Variants in DGKK observed in about 807,000 individuals in gnomAD.
DGKK encodes diacylglycerol kinase kappa.
Under a neutral mutation model 92.2 loss-of-function variants are expected in DGKK, and 35 were observed. The ratio of observed to expected loss-of-function variants is 0.38; its 90% CI spans 0.29 to 0.50. The LOEUF is 0.50. Ranked by LOEUF, DGKK falls within the 20% of genes least tolerant of loss-of-function variation. DGKK has a pLI of 0.92. For synonymous variants in DGKK, 368 were observed against 360.6 expected (o/e 1.02, Z -0.23); for missense variants, 910 against 992.2 (o/e 0.92, Z 1.11).
At chrX:50,388,909 T>C in intron 12 of DGKK, among the ~76,000 whole-genome samples, 1 of 112,327 alleles carries the variant, frequency 8.9e-6, no homozygotes, top group East Asian at 2.8e-4. Context: ...AATCTCATAT[T>C]ACATAGCTAG....
intron 1 of DGKK, among the ~76,000 whole-genome samples, chrX:50,447,441 C>T (rs1926394565): frequency 3.2e-5 from 2 of 62,503 alleles, no homozygotes; most frequent in African/African-American, 5.6e-5. Context: ...ATATATATTT[C>T]ACAGAAGTTG....
Position 50,388,582 on chromosome X carries a change from C to T in DGKK, c.1963G>A (p.Glu655Lys), listed in dbSNP as rs987669936. 8.3e-6 allele frequency: 10 copies of T among 1,208,264 alleles called. No individual in the cohort carries two copies. The highest frequency in any genetic ancestry group is 3.6e-5 in the South Asian group (2 of 56,105). ...TTGGCCTTCAGGATTTTGTTCAACT[C>T]GGTGGCTGCAGATTCTAAGTGTTGG... Reference protein sequence around the residue: ...AIQHLESAATELNKILKAKYP... With the variant: ...AIQHLESAATKLNKILKAKYP... Residue 655 changes from glutamate (E) to lysine (K), a missense_variant, in exon 13 of 28, where the codon GAG (glutamate) becomes AAG (lysine). Physicochemically the swap from Glu to Lys is moderately conservative, Grantham distance 56. Transcript: ENST00000611977.
At chrX:50,432,873 C>A (rs5961182) in intron 1 of DGKK, among the ~76,000 whole-genome samples, 190 of 111,680 alleles carry the variant, frequency 1.7e-3, no homozygotes, top group African/African-American at 5.8e-3. Context: ...GCCCCTCCCC[C>A]CTTCTTCTTT....
intron 4 of DGKK, among the ~76,000 whole-genome samples, chrX:50,404,445 C>CT (rs781970634): frequency 0.015 from 1,362 of 90,879 alleles, 32 homozygotes; most frequent in African/African-American, 0.045. Flanking sequence ...GAGTAATTAT[C>CT]TTTTTTTTTT....
At chrX:50,415,120 T>C (rs1331538432) in intron 4 of DGKK, among the ~76,000 whole-genome samples, 1 of 111,411 alleles carries the variant, frequency 9.0e-6, no homozygotes, top group Non-Finnish European at 1.9e-5. Flanking sequence ...CCTGGGGACT[T>C]GCTTCTGTTC....
At chrX:50,408,072 A>C (rs1487542875) in intron 4 of DGKK, among the ~76,000 whole-genome samples, 1 of 112,886 alleles carries the variant, frequency 8.9e-6, no homozygotes, top group Non-Finnish European at 1.9e-5. Flanking sequence ...AGAGAGGCTC[A>C]GAGGCCAGAG....
chrX:50,385,506 T>C (rs182184687), intron 15 of DGKK, among the ~76,000 whole-genome samples: 2 of 112,088 alleles, frequency 1.8e-5, no homozygotes, highest in East Asian at 5.7e-4. Context: ...TTTAATCTGA[T>C]CCACACTGCT....
chrX:50,447,609 T>C (rs1926398964), intron 1 of DGKK, among the ~76,000 whole-genome samples: 1 of 102,407 alleles, frequency 9.8e-6, no homozygotes, highest in South Asian at 4.7e-4. Flanking sequence ...TGTCAAACAC[T>C]GACTAGTTAT....
At chrX:50,455,964 C>A (rs916451838) in intron 1 of DGKK, among the ~76,000 whole-genome samples, 1 of 112,064 alleles carries the variant, frequency 8.9e-6, no homozygotes, top group Non-Finnish European at 1.9e-5. Context: ...ATATATACAT[C>A]TATGGTGTCT....
In DGKK at chrX:50,375,064, G is replaced by A; in HGVS notation, c.3415-7C>T. ...CATCATTTCTGCTTAGAGTCTGAGAGGAAAAGAACGGAAAAGGAGAGAAAA... is the reference window on the plus strand; with the variant it reads ...CATCATTTCTGCTTAGAGTCTGAGAAGAAAAGAACGGAAAAGGAGAGAAAA... On this transcript the variant is annotated splice_region_variant and splice_polypyrimidine_tract_variant and intron_variant, in intron 24 of 27. Coordinates refer to ENST00000611977, the MANE Select transcript of DGKK (RefSeq NM_001013742.4). 1 of 1,158,711 alleles carries A rather than the reference G, an allele frequency of 8.6e-7. No individual in the cohort carries two copies. The highest frequency in any genetic ancestry group is 3.0e-5 in the East Asian group (1 of 33,410).
intron 1 of DGKK, among the ~76,000 whole-genome samples, chrX:50,455,386 GTTA>G (rs1246764449): frequency 8.9e-6 from 1 of 112,044 alleles, no homozygotes; most frequent in Non-Finnish European, 1.9e-5. Context: ...TAATTCAGCA[GTTA>G]TTAAGTATAG....
At chrX:50,387,359 C>T (rs782198549) in intron 14 of DGKK, among the ~76,000 whole-genome samples, 195 bp downstream of exon 14, 9 of 111,487 alleles carry the variant, frequency 8.1e-5, no homozygotes, top group Non-Finnish European at 1.7e-4. Context: ...TGTGTGTATG[C>T]ATGCAGAGCG....
At chrX:50,435,911 C>T (rs943930098) in intron 1 of DGKK, among the ~76,000 whole-genome samples, 3 of 111,420 alleles carry the variant, frequency 2.7e-5, no homozygotes, top group Non-Finnish European at 5.7e-5. Flanking sequence ...TTGATGGGAG[C>T]CCTCACTCAA....
chrX:50,416,814 A>G (rs904347695), intron 4 of DGKK, among the ~76,000 whole-genome samples: 1 of 111,308 alleles, frequency 9.0e-6, no homozygotes, highest in Non-Finnish European at 1.9e-5. Context: ...TCATTTTGCC[A>G]CTTTGAATTT....
chrX:50,382,637 T>C (rs1924441924), intron 17 of DGKK, 34 bp from the exon 18 acceptor site: 1 of 1,101,985 alleles, frequency 9.1e-7, no homozygotes, highest in Non-Finnish European at 1.2e-6. Context: ...CAGACATTGG[T>C]GCAGGAAAGA....
intron 1 of DGKK, among the ~76,000 whole-genome samples, chrX:50,466,017 C>CTTTTTTTTTTTTTTT (rs72090197): frequency 3.7e-4 from 16 of 42,791 alleles, no homozygotes; most frequent in Admixed American, 8.2e-4. Flanking sequence ...TTTCTTTTTT[C>CTTTTTTTTTTTTTTT]TTTTTTTTTT....
intron 1 of DGKK, among the ~76,000 whole-genome samples, chrX:50,446,832 G>A (rs979105351): frequency 1.8e-5 from 2 of 110,821 alleles, no homozygotes; most frequent in African/African-American, 3.3e-5. Context: ...TCTTTCTGCT[G>A]TCTTTCATGC....
Position 50,396,448 on chromosome X carries a change from A to G in DGKK, c.1412-3113T>C, listed in dbSNP as rs1383872345. 1.3e-4 allele frequency among the ~76,000 whole-genome samples: 15 copies of G among 112,405 alleles called. No homozygotes were observed. The Admixed American group carries it at 1.4e-3, about 11-fold the overall frequency. ...TTTTAAAAAACTGAACCATGTGAAT[A>G]TATTAACTAGACAAGAATTGAATTA... On this transcript the variant is annotated intron_variant, in intron 8 of 27. Transcript: ENST00000611977.
chrX:50,436,844 G>C (rs1217974228), intron 1 of DGKK, among the ~76,000 whole-genome samples: 1 of 109,849 alleles, frequency 9.1e-6, no homozygotes, highest in Admixed American at 9.7e-5. Flanking sequence ...CACTGTTATC[G>C]CCACACTTTA....
Sources: gnomAD v4.1 joint callset for allele counts (sites outside exome capture counted in the v4.1 genomes callset) on GRCh38, gnomAD v4.1.1 for gene constraint, MANE v1.5 for transcripts, NCBI Gene and HGNC (gene_info 2026-07-23, HGNC 2026-07-21) for gene names.